The following MYRIP variants were observed in gnomAD, a reference collection of about 807,000 sequenced individuals.
The protein encoded by MYRIP is myosin VIIA and Rab interacting protein.
A neutral mutation model predicts 98.0 loss-of-function variants in MYRIP; 49 were observed. That is an observed-to-expected ratio of 0.50 (90% CI 0.40 to 0.63). The LOEUF (loss-of-function observed/expected upper bound fraction) is 0.63. Ranked by LOEUF, MYRIP falls within the 30% of genes least tolerant of loss-of-function variation. The probability of loss-of-function intolerance (pLI) is 0.00; values close to 1 mark genes in which losing one functional copy is unlikely to be tolerated. For missense variants in MYRIP, 1,004 were observed against 1,058.2 expected (o/e 0.95, Z 0.71); for synonymous variants, 404 against 409.5 (o/e 0.99, Z 0.16).
chr3:39,826,717 T>G (rs1941277607), intron 1 of MYRIP, among the ~76,000 whole-genome samples: 1 of 152,204 alleles, frequency 6.6e-6, no homozygotes, highest in South Asian at 2.1e-4. Context: ...ATGATCTGTC[T>G]AATGCTGAGA....
intron 3 of MYRIP, among the ~76,000 whole-genome samples, chr3:40,068,968 A>G (rs1376364607): frequency 6.6e-6 from 1 of 152,234 alleles, no homozygotes; most frequent in African/African-American, 2.4e-5. Flanking sequence ...ACCCAGGCAC[A>G]GCCCCATCTT....
At chr3:39,883,006 G>C (rs2125647041) in intron 1 of MYRIP, among the ~76,000 whole-genome samples, 1 of 152,244 alleles carries the variant, frequency 6.6e-6, no homozygotes, top group African/African-American at 2.4e-5. Context: ...CCATTGTAGA[G>C]ATAAAAAGAT....
intron 3 of MYRIP, among the ~76,000 whole-genome samples, chr3:40,114,533 G>A (rs534152999): frequency 6.6e-6 from 1 of 152,162 alleles, no homozygotes. Flanking sequence ...ACAAATATGG[G>A]CTAGCATGTT....
In MYRIP at chr3:40,044,279, G is replaced by C; in HGVS notation, c.332+8G>C. The C allele has an allele frequency of 6.2e-7, 1 of 1,613,574 alleles. No homozygotes were observed. On this transcript the variant is annotated splice_region_variant and intron_variant, in intron 3 of 16. Transcript: ENST00000302541. ...CGTCTGCCAGCAAGCGAGGTGAGTG[G>C]CTGGTGCATTCCCAGGGTCTACACT...
At chr3:40,068,868 T>G (rs967889848) in intron 3 of MYRIP, among the ~76,000 whole-genome samples, 1 of 152,184 alleles carries the variant, frequency 6.6e-6, no homozygotes, top group African/African-American at 2.4e-5. Flanking sequence ...AACATTCATA[T>G]CCACTGCACG....
chr3:40,235,205 T>G (rs1001842909), intron 12 of MYRIP, among the ~76,000 whole-genome samples: 5 of 152,190 alleles, frequency 3.3e-5, no homozygotes, highest in Admixed American at 6.5e-5. Flanking sequence ...CAGACTGCCA[T>G]GGTTCCCGCT....
chr3:40,246,339 T>G (rs1953204139), intron 13 of MYRIP, among the ~76,000 whole-genome samples: 1 of 151,938 alleles, frequency 6.6e-6, no homozygotes, highest in Non-Finnish European at 1.5e-5. Flanking sequence ...AGGAAGGGTT[T>G]GGTGACATTC....
At chr3:40,133,843 A>G (rs1949700972) in intron 3 of MYRIP, among the ~76,000 whole-genome samples, 1 of 152,254 alleles carries the variant, frequency 6.6e-6, no homozygotes. Flanking sequence ...TCTATAAGTC[A>G]TATAGATTCG....
At chr3:39,946,160 A>G (rs749944278) in intron 2 of MYRIP, among the ~76,000 whole-genome samples, 6 of 152,224 alleles carry the variant, frequency 3.9e-5, no homozygotes, top group Non-Finnish European at 8.8e-5. Context: ...ATATTGTCCC[A>G]GTAAATATGA....
intron 2 of MYRIP, among the ~76,000 whole-genome samples, chr3:40,014,550 C>T (rs1162306797): frequency 6.6e-6 from 1 of 152,172 alleles, no homozygotes; most frequent in African/African-American, 2.4e-5. Context: ...CCAGAGTCCA[C>T]TACTCCCTGG....
chr3:40,171,680 AGTTTCGT>A (rs2125599997), intron 8 of MYRIP, among the ~76,000 whole-genome samples: 1 of 152,212 alleles, frequency 6.6e-6, no homozygotes, highest in East Asian at 1.9e-4. Flanking sequence ...ACAACTGTTT[AGTTTCGT>A]GTCTGTAAAG....
chr3:39,846,896 C>T (rs1362087932), intron 1 of MYRIP, among the ~76,000 whole-genome samples: 1 of 152,138 alleles, frequency 6.6e-6, no homozygotes, highest in Non-Finnish European at 1.5e-5. Flanking sequence ...GGTGGACACC[C>T]AGGAGAGCAA....
At chr3:39,865,452 C>G (rs1942592396) in intron 1 of MYRIP, among the ~76,000 whole-genome samples, 2 of 152,116 alleles carry the variant, frequency 1.3e-5, no homozygotes, top group Non-Finnish European at 1.5e-5. Context: ...AATCCAGCAT[C>G]TATAAGGAAC....
intron 10 of MYRIP, among the ~76,000 whole-genome samples, chr3:40,207,940 T>C (rs1045901857): frequency 5.9e-5 from 9 of 152,322 alleles, no homozygotes; most frequent in Admixed American, 5.9e-4. Flanking sequence ...TTGTGAAATG[T>C]TGTTCTCTGT....
chr3:40,017,987 T>A (rs763560732), intron 2 of MYRIP, among the ~76,000 whole-genome samples: 4 of 152,192 alleles, frequency 2.6e-5, no homozygotes, highest in Admixed American at 2.6e-4. Flanking sequence ...TAATTTCTCA[T>A]GCAAAATGAG....
intron 2 of MYRIP, among the ~76,000 whole-genome samples, chr3:39,996,693 T>G (rs1166893595): frequency 1.3e-5 from 2 of 152,170 alleles, no homozygotes; most frequent in Non-Finnish European, 2.9e-5. Context: ...CTAATAGACA[T>G]CTACAGAACT....
At chr3:39,980,335 C>T (rs1241633036) in intron 2 of MYRIP, among the ~76,000 whole-genome samples, 8 of 152,112 alleles carry the variant, frequency 5.3e-5, no homozygotes, top group South Asian at 2.1e-4. Flanking sequence ...CAGGCATTAA[C>T]CAGAGTTAAC....
rs973778422 is a variant in MYRIP, at chr3:39,876,900, T to C, written c.-30-23887T>C. 4.3e-4 allele frequency among the ~76,000 whole-genome samples: 65 copies of C among 152,328 alleles called. 3 individuals are homozygous for C. Among genetic ancestry groups the C allele is most frequent in the African/African-American group, 1.5e-3 (62 of 41,574 alleles). ...CTGAATGTTGGCCTGCCTTGCTAGATTGGGGAAGTTCTCCTGGATAATATC... is the reference window on the plus strand; with the variant it reads ...CTGAATGTTGGCCTGCCTTGCTAGACTGGGGAAGTTCTCCTGGATAATATC... On this transcript the variant is annotated intron_variant, in intron 1 of 16. Transcript: ENST00000302541.
intron 1 of MYRIP, among the ~76,000 whole-genome samples, chr3:39,859,309 C>A (rs78708317): frequency 0.01 from 1,535 of 152,176 alleles, 28 homozygotes; most frequent in African/African-American, 0.035. Flanking sequence ...AACATACAAC[C>A]GGCCATGACT....
Sources: gnomAD v4.1 joint callset for allele counts (sites outside exome capture counted in the v4.1 genomes callset) on GRCh38, gnomAD v4.1.1 for gene constraint, MANE v1.5 for transcripts, NCBI Gene and HGNC (gene_info 2026-07-23, HGNC 2026-07-21) for gene names.